Variants in CRHR1 observed in about 807,000 individuals in gnomAD.
CRHR1 encodes the protein corticotropin releasing hormone receptor 1.
In CRHR1, 28 loss-of-function variants were observed where a neutral mutation model predicts 56.0. The observed-to-expected ratio is 0.50, with a 90% CI of 0.37 to 0.69. CRHR1 has a LOEUF of 0.69. Among genes scored for constraint, CRHR1 ranks in the 30% least tolerant of loss-of-function variants. The probability of loss-of-function intolerance (pLI) is 0.00; values close to 1 mark genes in which losing one functional copy is unlikely to be tolerated. For missense variants in CRHR1, 376 were observed against 548.0 expected, an observed-to-expected ratio of 0.69 and a Z score of 3.13; for synonymous variants, 195 against 216.5, an observed-to-expected ratio of 0.90 and a Z score of 0.87.
chr17:45,795,906 T>C (rs1448006527), intron 1 of CRHR1, among the ~76,000 whole-genome samples: 2 of 152,162 alleles, frequency 1.3e-5, no homozygotes, highest in Non-Finnish European at 2.9e-5. Context: ...GGTTTGGCGG[T>C]CCAGCAGCCC....
intron 10 of CRHR1, 21 bp from the exon 11 acceptor site, chr17:45,833,693 T>TCGGC: frequency 5.1e-6 from 8 of 1,571,614 alleles, no homozygotes; most frequent in Non-Finnish European, 7.0e-6. Context: ...ACTCCGAGCC[T>TCGGC]CCCCACCCGC....
intron 7 of CRHR1, 120 bp downstream of exon 7, chr17:45,830,690 G>T: frequency 1.5e-6 from 2 of 1,344,306 alleles, no homozygotes; most frequent in Admixed American, 2.2e-5. Context: ...GGGGCGGTAA[G>T]GTGTGCACGA....
At chr17:45,831,426 G>T (rs1216493637) in intron 8 of CRHR1, among the ~76,000 whole-genome samples, 2 of 152,240 alleles carry the variant, frequency 1.3e-5, no homozygotes, top group African/African-American at 4.8e-5. Flanking sequence ...TTTAATAGAA[G>T]TGGACCTAGA....
chr17:45,807,027 G>A lies in CRHR1; in HGVS notation c.51G>A (p.Gly17=). ...LRLVKALLLL[G]LNPVSASLQD... ...GCCTGCAGGCCCTTCTCCTTCTGGG[G>A]CTGAACCCCGTCTCTGCCTCCCTCC... is the stretch of plus-strand genomic sequence containing the variant. Residue 17 remains glycine, a synonymous_variant, in exon 2 of 13, where the codon GGG becomes GGA. Coordinates refer to ENST00000314537, the MANE Select transcript of CRHR1 (RefSeq NM_004382.5). The A allele has an allele frequency of 1.2e-6, 2 of 1,613,916 alleles. No individual in the cohort carries two copies. Among genetic ancestry groups the A allele is most frequent in the Non-Finnish European group, 1.7e-6 (2 of 1,179,994 alleles).
chr17:45,817,541 G>A (rs888663632), intron 3 of CRHR1, among the ~76,000 whole-genome samples: 1 of 152,248 alleles, frequency 6.6e-6, no homozygotes, highest in African/African-American at 2.4e-5. Flanking sequence ...GGGCTGGATG[G>A]CTTGGCTTCT....
chr17:45,806,993 G>A lies in CRHR1; in HGVS notation c.34-17G>A, dbSNP rs777438253. On this transcript the variant is annotated splice_polypyrimidine_tract_variant and intron_variant, in intron 1 of 12. Coordinates refer to ENST00000314537, the MANE Select transcript of CRHR1 (RefSeq NM_004382.5). ...ATGGCACCTGCCTAATGTGTCCTTC[G>A]CCTCCTGTGCCTGCAGGCCCTTCTC... 92 of 1,611,750 alleles carry A rather than the reference G, an allele frequency of 5.7e-5. No individual in the cohort carries two copies. Among genetic ancestry groups the A allele is most frequent in the Middle Eastern group, 1.7e-4 (1 of 6,058 alleles).
chr17:45,820,047 G>A (rs952260102), intron 3 of CRHR1, among the ~76,000 whole-genome samples: 3 of 152,142 alleles, frequency 2.0e-5, no homozygotes, highest in African/African-American at 7.2e-5. Flanking sequence ...CTGGTCCCAG[G>A]GCCCCAGCCT....
rs201466667 is a variant in CRHR1, at chr17:45,833,543, C to T, written c.929+6C>T. The T allele has an allele frequency of 1.8e-5, 29 of 1,613,580 alleles. No individual in the cohort carries two copies. The East Asian group carries it at 4.0e-4, about 22-fold the overall frequency. ...TCTGAGACCATTCAGTACAGGTAACCGGGTACCACCTTCCTCAGGCCTCCC... is the reference window on the plus strand; with the variant it reads ...TCTGAGACCATTCAGTACAGGTAACTGGGTACCACCTTCCTCAGGCCTCCC... On this transcript the variant is annotated splice_donor_region_variant and intron_variant, in intron 10 of 12. Transcript: ENST00000314537.
intron 8 of CRHR1, among the ~76,000 whole-genome samples, chr17:45,831,495 G>A (rs2062308455): frequency 6.6e-6 from 1 of 152,196 alleles, no homozygotes; most frequent in Admixed American, 6.5e-5. Flanking sequence ...AATGGACTCA[G>A]ATGTTTCCAA....
chr17:45,830,275 C>CAG, intron 6 of CRHR1, 61 bp downstream of exon 6: 1 of 1,605,882 alleles, frequency 6.2e-7, no homozygotes, highest in Non-Finnish European at 8.5e-7. Context: ...AGGAGGGGCC[C>CAG]GCCTGCCCTG....
At chr17:45,802,272 C>T (rs1353455700) in intron 1 of CRHR1, among the ~76,000 whole-genome samples, 5 of 152,112 alleles carry the variant, frequency 3.3e-5, no homozygotes, top group Non-Finnish European at 1.5e-5. Flanking sequence ...TTGGAGTGAG[C>T]GGAGGTCGCA....
chr17:45,829,285 C>A lies in CRHR1; in HGVS notation c.398C>A (p.Ala133Asp). 1 of 1,614,116 alleles carries A rather than the reference C, an allele frequency of 6.2e-7. No homozygotes were observed. The change falls in exon 5 of 13, where the codon GCC (alanine) becomes GAC (aspartate). Residue 133 changes from alanine to aspartate, a missense_variant. Transcript: ENST00000314537. ...NYLGHCISLVALLVAFVLFLR... is the reference protein window; with the variant it reads ...NYLGHCISLVDLLVAFVLFLR... ...CTGGGCCACTGTATCTCCCTGGTGG[C>A]CCTCCTGGTGGCCTTTGTCCTCTTT...
chr17:45,809,153 G>A (rs116590843), intron 2 of CRHR1, among the ~76,000 whole-genome samples: 234 of 152,342 alleles, frequency 1.5e-3, no homozygotes, highest in African/African-American at 4.8e-3. Flanking sequence ...GGTGAGCAAG[G>A]ACCAGTAGGT....
At chr17:45,800,960 C>T (rs1176965945) in intron 1 of CRHR1, among the ~76,000 whole-genome samples, 1 of 152,218 alleles carries the variant, frequency 6.6e-6, no homozygotes, top group African/African-American at 2.4e-5. Flanking sequence ...AAGGAAATTG[C>T]ACTTTTGTGC....
At chr17:45,791,182 G>C (rs1490709182) in intron 1 of CRHR1, among the ~76,000 whole-genome samples, 1 of 151,866 alleles carries the variant, frequency 6.6e-6, no homozygotes, top group Non-Finnish European at 1.5e-5. Context: ...TGGGGAGCCT[G>C]TGCACAGAGA....
chr17:45,833,397 G>A (rs1330239036), intron 9 of CRHR1, 55 bp from the exon 10 acceptor site: 1 of 1,582,766 alleles, frequency 6.3e-7, no homozygotes, highest in Non-Finnish European at 8.7e-7. Context: ...GAGCTGAGAA[G>A]CCTGGGTCCC....
intron 4 of CRHR1, chr17:45,827,515 G>C (rs1296414702): frequency 6.6e-6 from 1 of 152,258 alleles, no homozygotes; most frequent in East Asian, 1.9e-4. Context: ...CTGCCGCCAG[G>C]CGCTCAGAGA....
intron 2 of CRHR1, among the ~76,000 whole-genome samples, chr17:45,811,461 T>C (rs559728838): frequency 6.6e-6 from 1 of 152,332 alleles, no homozygotes; most frequent in Admixed American, 6.5e-5. Context: ...GGACCGGTTT[T>C]TGCATTACTT....
chr17:45,820,458 C>T (rs761269489), intron 3 of CRHR1, among the ~76,000 whole-genome samples: 5 of 152,180 alleles, frequency 3.3e-5, no homozygotes, highest in Non-Finnish European at 5.9e-5. Flanking sequence ...CATCCCAGGG[C>T]CCTAAAGCCA....
Sources: gnomAD v4.1 joint callset for allele counts (sites outside exome capture counted in the v4.1 genomes callset) on GRCh38, gnomAD v4.1.1 for gene constraint, MANE v1.5 for transcripts, NCBI Gene and HGNC (gene_info 2026-07-23, HGNC 2026-07-21) for gene names.